BCL2L13: variants seen among roughly 807,000 people sequenced by gnomAD.
BCL2L13 encodes BCL2 like 13.
In BCL2L13, 13 loss-of-function variants were observed where a neutral mutation model predicts 25.8. The ratio of observed to expected loss-of-function variants is 0.50; its 90% CI spans 0.33 to 0.80. The LOEUF is 0.80. Ranked by LOEUF, BCL2L13 falls within the 30% of genes least tolerant of loss-of-function variation. The pLI, the probability that BCL2L13 is intolerant of heterozygous loss-of-function variation, is 0.02. For missense variants in BCL2L13, 504 were observed against 574.9 expected (o/e 0.88, Z 1.26); for synonymous variants, 244 against 230.3 (o/e 1.06, Z -0.54).
intron 2 of BCL2L13, among the ~76,000 whole-genome samples, chr22:17,668,762 G>C (rs750589089): frequency 6.6e-6 from 1 of 152,168 alleles, no homozygotes; most frequent in Non-Finnish European, 1.5e-5. Context: ...ACTGCGCTTG[G>C]CCTGATCTGT....
In BCL2L13 at chr22:17,727,715, C is replaced by A; in HGVS notation, c.*181C>A. The stretch of plus-strand genomic sequence containing the variant: ...CTTGAGGTGGGGCATTCACATTCAT[C>A]TGACTGTAAATCCCAAGGGCCTCCG... On this transcript the variant is annotated 3_prime_UTR_variant, in exon 7 of 7. Coordinates refer to ENST00000317582, the MANE Select transcript of BCL2L13 (RefSeq NM_015367.4). 1 of 783,712 alleles carries A rather than the reference C, an allele frequency of 1.3e-6. No individual in the cohort carries two copies. The highest frequency in any genetic ancestry group is 1.8e-5 in the South Asian group (1 of 54,346). The allele number at this position is 783,712 out of a possible 1,614,324, so 48.5% of individuals were successfully genotyped here.
chr22:17,713,557 G>C (rs868175263), intron 6 of BCL2L13, among the ~76,000 whole-genome samples: 2 of 151,224 alleles, frequency 1.3e-5, no homozygotes, highest in African/African-American at 4.9e-5. Context: ...CGCCTCCTGG[G>C]TTCAAGTGAT....
intron 6 of BCL2L13, among the ~76,000 whole-genome samples, chr22:17,709,339 A>C (rs1450399757): frequency 6.6e-6 from 1 of 152,206 alleles, no homozygotes; most frequent in African/African-American, 2.4e-5. Context: ...TCACGCCTGT[A>C]ATCCCAACAC....
chr22:17,650,424 A>G (rs761445043), intron 1 of BCL2L13, among the ~76,000 whole-genome samples: 8 of 152,054 alleles, frequency 5.3e-5, no homozygotes, highest in Non-Finnish European at 1.2e-4. Context: ...TTTGTAGCCT[A>G]TGTCTCCTTT....
rs1031599439 is a variant in BCL2L13, at chr22:17,720,123, T to A, written c.601-6554T>A. Among the ~76,000 whole-genome samples the A allele has an allele frequency of 3.5e-5, 5 of 144,368 alleles. No homozygotes were observed. In the East Asian group the frequency reaches 6.5e-4, roughly 19 times the overall value. The allele number at this position is 144,368 out of a possible 152,430, so 94.7% of individuals were successfully genotyped here. On this transcript the variant is annotated intron_variant, in intron 6 of 6. Coordinates refer to ENST00000317582, the MANE Select transcript of BCL2L13 (RefSeq NM_015367.4). The stretch of plus-strand genomic sequence containing the variant: ...ACACTATGAATATACTAAAAACCAC[T>A]GAATGGTACACCTAGAAATGGTGGG...
chr22:17,655,909 A>C, intron 2 of BCL2L13, 77 bp downstream of exon 2: 2 of 1,383,192 alleles, frequency 1.4e-6, no homozygotes, highest in South Asian at 2.9e-5. Flanking sequence ...TATCTAATTT[A>C]TATGTGTGGT....
chr22:17,645,447 C>T (rs1462958814), intron 1 of BCL2L13, among the ~76,000 whole-genome samples: 1 of 150,958 alleles, frequency 6.6e-6, no homozygotes, highest in Non-Finnish European at 1.5e-5. Context: ...GTCTCTAACT[C>T]CTGGCCTCAA....
chr22:17,650,037 A>C (rs1329306793), intron 1 of BCL2L13, among the ~76,000 whole-genome samples: 1 of 144,938 alleles, frequency 6.9e-6, no homozygotes, highest in East Asian at 2.1e-4. Flanking sequence ...TGCCCAGCTA[A>C]TTTTCATAGT....
intron 1 of BCL2L13, among the ~76,000 whole-genome samples, chr22:17,639,690 C>T (rs150439600): frequency 1.5e-3 from 228 of 152,266 alleles, no homozygotes; most frequent in African/African-American, 5.2e-3. Context: ...GAGAGCCCTC[C>T]CTCCTTACTT....
At chr22:17,672,082 A>C (rs1310575732) in intron 2 of BCL2L13, among the ~76,000 whole-genome samples, 3 of 152,190 alleles carry the variant, frequency 2.0e-5, no homozygotes, top group Non-Finnish European at 2.9e-5. Flanking sequence ...CTATTTAATG[A>C]ACAATTGAAC....
rs1370053021 is a variant in BCL2L13, at chr22:17,699,177, G to C, written c.456+2967G>C. Among the ~76,000 whole-genome samples the C allele has an allele frequency of 3.3e-5, 5 of 152,148 alleles. No homozygotes were observed. The East Asian group carries it at 9.6e-4, about 29-fold the overall frequency. On this transcript the variant is annotated intron_variant, in intron 5 of 6. Coordinates refer to ENST00000317582, the MANE Select transcript of BCL2L13 (RefSeq NM_015367.4). ...CTGGTTGTCTCTTACATTGTATTTT[G>C]AAGCACACAAATCAAAGACAAACCT... is the stretch of plus-strand genomic sequence containing the variant.
intron 6 of BCL2L13, among the ~76,000 whole-genome samples, chr22:17,721,039 C>T (rs1214151733): frequency 4.6e-5 from 7 of 151,634 alleles, no homozygotes; most frequent in African/African-American, 1.7e-4. Flanking sequence ...TGGTGGCGGG[C>T]GCCTGTAGTC....
At chr22:17,693,085 A>T (rs913972232) in intron 4 of BCL2L13, among the ~76,000 whole-genome samples, 1 of 152,042 alleles carries the variant, frequency 6.6e-6, no homozygotes, top group Non-Finnish European at 1.5e-5. Flanking sequence ...TTGATACCAG[A>T]TCTGAGTGTG....
intron 2 of BCL2L13, among the ~76,000 whole-genome samples, chr22:17,660,451 G>T (rs1306575736): frequency 6.8e-6 from 1 of 146,210 alleles, no homozygotes; most frequent in African/African-American, 2.4e-5. Context: ...GCAGAGCCTT[G>T]CTCTTCTGCC....
intron 1 of BCL2L13, among the ~76,000 whole-genome samples, chr22:17,652,594 A>G (rs1406015286): frequency 2.6e-5 from 4 of 151,956 alleles, no homozygotes; most frequent in Non-Finnish European, 5.9e-5. Flanking sequence ...GCATGTCACC[A>G]TGACTGGCTA....
chr22:17,673,744 T>C (rs527470507), intron 2 of BCL2L13, among the ~76,000 whole-genome samples: 11 of 152,272 alleles, frequency 7.2e-5, no homozygotes, highest in Admixed American at 5.2e-4. Flanking sequence ...ATTTTTTATT[T>C]ATTTGTATTT....
chr22:17,690,580 C>T (rs1374266022), intron 4 of BCL2L13, among the ~76,000 whole-genome samples: 1 of 151,940 alleles, frequency 6.6e-6, no homozygotes, highest in Non-Finnish European at 1.5e-5. Context: ...GCAATATAGC[C>T]AGACCCTGTC....
chr22:17,676,711 T>C (rs1404283575), intron 2 of BCL2L13, among the ~76,000 whole-genome samples: 2 of 152,218 alleles, frequency 1.3e-5, no homozygotes, highest in African/African-American at 2.4e-5. Context: ...TGTGCAGTTA[T>C]ATTAATCAGT....
At chr22:17,696,938 C>T (rs2060282157) in intron 5 of BCL2L13, among the ~76,000 whole-genome samples, 1 of 151,986 alleles carries the variant, frequency 6.6e-6, no homozygotes, top group Admixed American at 6.6e-5. Flanking sequence ...GAAGGGCAGC[C>T]CTGAGGGATA....
Sources: gnomAD v4.1 joint callset for allele counts (sites outside exome capture counted in the v4.1 genomes callset) on GRCh38, gnomAD v4.1.1 for gene constraint, MANE v1.5 for transcripts, NCBI Gene and HGNC (gene_info 2026-07-23, HGNC 2026-07-21) for gene names.